Variants in SNPH observed in about 807,000 individuals in gnomAD.
The protein encoded by SNPH is syntaphilin.
A neutral mutation model predicts 36.8 loss-of-function variants in SNPH; 10 were observed. The ratio of observed to expected loss-of-function variants is 0.27; its 90% confidence interval spans 0.17 to 0.46. The LOEUF is 0.46. Among genes scored for constraint, SNPH ranks in the 20% least tolerant of loss-of-function variants. The pLI is 1.00. For synonymous variants in SNPH, 281 were observed against 312.2 expected (o/e 0.90, Z 1.05); for missense variants, 622 against 744.0 (o/e 0.84, Z 1.91).
At chr20:1,279,426 C>T (rs1038764075) in intron 2 of SNPH, among the ~76,000 whole-genome samples, 2 of 152,166 alleles carry the variant, frequency 1.3e-5, no homozygotes, top group Non-Finnish European at 2.9e-5. Context: ...TGTTGGCCTT[C>T]TTATTGAGTT....
rs554905270 is a variant in SNPH at position 1,291,936 on chromosome 20, C to T, written c.-492-3015C>T. ...TTTTACATATGTGGAAACTGAGACC[C>T]GAAAGTCCTAGTAATGAAGGAGAAA... On this transcript the variant is annotated intron_variant, in intron 2 of 6. Coordinates refer to ENST00000381867, the MANE Select transcript of SNPH (RefSeq NM_001318234.2). 8.0e-4 allele frequency among the ~76,000 whole-genome samples: 122 copies of T among 152,142 alleles called. 1 individual carries two copies. Among genetic ancestry groups the T allele is most frequent in the Admixed American group, 1.8e-3 (28 of 15,294 alleles).
In SNPH at chr20:1,306,967, G is replaced by T. The variant is rs1412497035; in HGVS notation, c.*913G>T. ...AGGCCATCTCATCTGCAGGCTGGGA[G>T]GCAGGGCTGGACTCAGGAACCCACA... On this transcript the variant is annotated 3_prime_UTR_variant, in exon 7 of 7. Coordinates refer to ENST00000381867, the MANE Select transcript of SNPH (RefSeq NM_001318234.2). 1 of 152,508 alleles carries T rather than the reference G, an allele frequency of 6.6e-6. No homozygotes were observed. Among genetic ancestry groups the T allele is most frequent in the African/African-American group, 2.4e-5 (1 of 41,470 alleles). 9.4% of individuals were successfully genotyped at this position (152,508 alleles called of 1,614,324 possible).
chr20:1,277,406 T>TC (rs2088145000), intron 2 of SNPH, among the ~76,000 whole-genome samples: 1 of 151,848 alleles, frequency 6.6e-6, no homozygotes, highest in African/African-American at 2.4e-5. Flanking sequence ...TATGTGTGTG[T>TC]ATGTCTGTGT....
In SNPH at chr20:1,285,231, T is replaced by C. The variant is rs966838751; in HGVS notation, c.-492-9720T>C. ...AAATCAGAAATTCATATTTTGGATG[T>C]GTTAATTTTGAGATACTCTGTTAGA... On this transcript the variant is annotated intron_variant, in intron 2 of 6. Coordinates refer to ENST00000381867, the MANE Select transcript of SNPH (RefSeq NM_001318234.2). This position sits in a 1 kb window ranked among gnomAD's most constrained non-coding sequence, Gnocchi z 4.9. 2.0e-5 allele frequency among the ~76,000 whole-genome samples: 3 copies of C among 152,228 alleles called. No individual in the cohort carries two copies. Among genetic ancestry groups the C allele is most frequent in the Non-Finnish European group, 2.9e-5 (2 of 68,046 alleles).
chr20:1,298,603 A>G (rs2088467508), intron 5 of SNPH, among the ~76,000 whole-genome samples: 1 of 152,154 alleles, frequency 6.6e-6, no homozygotes, highest in African/African-American at 2.4e-5. Context: ...TTTGTAACAC[A>G]CCTCGTAACT....
intron 6 of SNPH, among the ~76,000 whole-genome samples, chr20:1,301,370 G>C (rs570619351): frequency 6.6e-6 from 1 of 152,142 alleles, no homozygotes; most frequent in Non-Finnish European, 1.5e-5. Context: ...TCAGGGCGTC[G>C]ATCTCCCATT....
At chr20:1,269,509 C>T (rs1252456777) in intron 2 of SNPH, among the ~76,000 whole-genome samples, 3 of 152,184 alleles carry the variant, frequency 2.0e-5, no homozygotes, top group Non-Finnish European at 2.9e-5. Context: ...CCAAAGGTTT[C>T]GCTGCCTCTT....
chr20:1,283,037 C>T (rs972518658), intron 2 of SNPH, among the ~76,000 whole-genome samples: 1 of 152,094 alleles, frequency 6.6e-6, no homozygotes, highest in Non-Finnish European at 1.5e-5. Flanking sequence ...TTTACAAGGT[C>T]GGGGAGATCA....
intron 6 of SNPH, among the ~76,000 whole-genome samples, chr20:1,303,769 C>T (rs975291499): frequency 1.3e-5 from 2 of 152,248 alleles, no homozygotes; most frequent in East Asian, 1.9e-4. Flanking sequence ...TGATCTGGGA[C>T]GGTCATTCTG....
Position 1,295,983 on chromosome 20 carries a change from G to A in SNPH, c.-257G>A, listed in dbSNP as rs749342740. 23 of 448,580 alleles carry A rather than the reference G, an allele frequency of 5.1e-5. No individual in the cohort carries two copies. The highest frequency in any genetic ancestry group is 7.8e-5 in the Non-Finnish European group (20 of 257,842). 27.8% of individuals were successfully genotyped at this position (448,580 alleles called of 1,614,324 possible). ...GCCTGGCTCGTAGAGTAGAAGACTC[G>A]GTGCCGGCAGTCAGGAGGCCCTGCT... On this transcript the variant is annotated 5_prime_UTR_variant, in exon 4 of 7. Transcript: ENST00000381867.
rs1342070410 is a variant in SNPH, at chr20:1,307,537, G to T, written c.*1483G>T. On this transcript the variant is annotated 3_prime_UTR_variant, in exon 7 of 7. Transcript: ENST00000381867. ...TAGGCCCCACCTCTGGGGGTTGGAG[G>T]GACCCTGTGTCTTACTCGCCCCTCT... 1 of 152,452 alleles carries T rather than the reference G, an allele frequency of 6.6e-6. No homozygotes were observed. Among genetic ancestry groups the T allele is most frequent in the African/African-American group, 2.4e-5 (1 of 41,480 alleles). The allele number at this position is 152,452 out of a possible 1,614,324, so 9.4% of individuals were successfully genotyped here.
intron 3 of SNPH, among the ~76,000 whole-genome samples, chr20:1,295,416 C>A (rs2088416711): frequency 6.6e-6 from 1 of 152,198 alleles, no homozygotes; most frequent in African/African-American, 2.4e-5. Flanking sequence ...AGTGATGGGT[C>A]TCTCTAGGCA....
At chr20:1,279,798 C>T (rs2088195059) in intron 2 of SNPH, among the ~76,000 whole-genome samples, 1 of 152,120 alleles carries the variant, frequency 6.6e-6, no homozygotes, top group African/African-American at 2.4e-5. Context: ...AGCCCACAAA[C>T]AGCTCTGATG....
chr20:1,271,125 G>T (rs565096035), intron 2 of SNPH, among the ~76,000 whole-genome samples: 1 of 152,340 alleles, frequency 6.6e-6, no homozygotes, highest in South Asian at 2.1e-4. Flanking sequence ...CCAACCAAAA[G>T]GGAGTGGCTG....
chr20:1,288,627 C>T (rs1008918), intron 2 of SNPH, among the ~76,000 whole-genome samples: 103,906 of 145,968 alleles, frequency 0.71, 37,489 homozygotes, highest in Non-Finnish European at 0.79. Flanking sequence ...TTCTTTTTTT[C>T]TTTTTTTTTT....
intron 2 of SNPH, among the ~76,000 whole-genome samples, chr20:1,267,684 G>T (rs1276400011): frequency 6.6e-6 from 1 of 152,160 alleles, no homozygotes; most frequent in Non-Finnish European, 1.5e-5. Context: ...CATGTCAGGG[G>T]GACCCCTCTG....
chr20:1,304,812 C>G lies in SNPH; in HGVS notation c.441-66C>G, dbSNP rs923933905. On this transcript the variant is annotated intron_variant, in intron 6 of 6. Transcript: ENST00000381867. This position sits in a 1 kb window ranked among gnomAD's most constrained non-coding sequence, Gnocchi z 4.3. ...CTTGGCAACAGTGTCCTCTCCCTGC[C>G]TCTCCTTGGCGGTGACAGACCAGGC... 2.0e-6 allele frequency: 3 copies of G among 1,497,350 alleles called. No individual in the cohort carries two copies. In the African/African-American group the frequency reaches 4.1e-5, roughly 21 times the overall value. The allele number at this position is 1,497,350 out of a possible 1,614,324, so 92.8% of individuals were successfully genotyped here.
In SNPH at chr20:1,296,324, GC is replaced by G; in HGVS notation, c.90del (p.Ile32TyrfsTer36). On this transcript the variant is annotated frameshift_variant, in exon 4 of 7. Transcript: ENST00000381867. LOFTEE classifies it high-confidence loss of function. ...AGPPTRPLSS[A>X]PGIPPIPPLT... ...CCCCCCAACCCGCCCTCTCTCCTCA[GC>G]CCCCGGGATACCGCCCATCCCACCC... 3.8e-6 allele frequency: 6 copies of G among 1,592,756 alleles called. No homozygotes were observed. The highest frequency in any genetic ancestry group is 2.3e-5 in the East Asian group (1 of 42,724).
intron 3 of SNPH, 81 bp downstream of exon 3, chr20:1,295,059 G>A (rs563306955): frequency 1.3e-5 from 2 of 152,750 alleles, no homozygotes; most frequent in Admixed American, 6.5e-5. Context: ...AGAGGTCCAG[G>A]CATGACATCC....
Sources: allele counts gnomAD v4.1 joint callset (sites outside exome capture counted in the v4.1 genomes callset), GRCh38; gene constraint gnomAD v4.1.1; non-coding constraint Gnocchi (gnomAD v3.1); transcripts MANE v1.5; gene names NCBI Gene and HGNC (gene_info 2026-07-23, HGNC 2026-07-21).